HACD3: variants seen among roughly 807,000 people sequenced by gnomAD.
HACD3 encodes the protein 3-hydroxyacyl-CoA dehydratase 3, also known as very-long-chain (3R)-3-hydroxyacyl-CoA dehydratase 3.
In HACD3, 30 loss-of-function variants were observed where a neutral mutation model predicts 55.2. The observed-to-expected ratio is 0.54, with a 90% CI of 0.41 to 0.74. The LOEUF is 0.74. Ranked by LOEUF, HACD3 falls within the 30% of genes least tolerant of loss-of-function variation. HACD3 has a pLI of 0.00. For synonymous variants in HACD3, 141 were observed against 151.7 expected, an observed-to-expected ratio of 0.93 and a Z score of 0.52; for missense variants, 363 against 440.1, an observed-to-expected ratio of 0.82 and a Z score of 1.57.
At chr15:65,542,792 C>T (rs1156302851) in intron 1 of HACD3, among the ~76,000 whole-genome samples, 1 of 151,856 alleles carries the variant, frequency 6.6e-6, no homozygotes, top group East Asian at 1.9e-4. Flanking sequence ...TTAAAAAAAA[C>T]AGGCCGGGCT....
chr15:65,534,507 A>G (rs141366004), intron 1 of HACD3: 1 of 152,368 alleles, frequency 6.6e-6, no homozygotes, highest in Non-Finnish European at 1.5e-5. Context: ...GATGAACATA[A>G]TGAACGTGTT....
chr15:65,549,586 C>A (rs180997946), intron 1 of HACD3, among the ~76,000 whole-genome samples: 4 of 126,464 alleles, frequency 3.2e-5, no homozygotes, highest in Non-Finnish European at 6.3e-5. Flanking sequence ...GGTGACAAAG[C>A]GAGATTCCAT....
At chr15:65,557,310 C>A (rs894144242) in intron 4 of HACD3, among the ~76,000 whole-genome samples, 6 of 152,110 alleles carry the variant, frequency 3.9e-5, no homozygotes, top group African/African-American at 1.4e-4. Flanking sequence ...CCTGTCTCTA[C>A]TAAAAATACA....
chr15:65,535,855 C>A, intron 1 of HACD3: 1 of 586,872 alleles, frequency 1.7e-6, no homozygotes, highest in Non-Finnish European at 3.1e-6. Flanking sequence ...AGCTAATTTT[C>A]AATTTTTTAA....
chr15:65,570,840 T>A (rs2072340860), intron 8 of HACD3, among the ~76,000 whole-genome samples: 5 of 152,184 alleles, frequency 3.3e-5, no homozygotes, highest in Non-Finnish European at 7.3e-5. Context: ...ACAAAGTTGC[T>A]AGTTGAGAGA....
chr15:65,556,328 A>G (rs112886630), intron 3 of HACD3, among the ~76,000 whole-genome samples: 94 of 152,300 alleles, frequency 6.2e-4, no homozygotes, highest in African/African-American at 2.2e-3. Context: ...ATCATCAGGC[A>G]TTATAGTCTC....
chr15:65,548,795 G>T (rs988359591), intron 1 of HACD3, among the ~76,000 whole-genome samples: 1 of 152,012 alleles, frequency 6.6e-6, no homozygotes, highest in African/African-American at 2.4e-5. Flanking sequence ...TGAACTCCTG[G>T]GCTCAAGTGA....
chr15:65,562,951 A>C, intron 6 of HACD3, 67 bp downstream of exon 6: 1 of 1,582,716 alleles, frequency 6.3e-7, no homozygotes, highest in East Asian at 2.3e-5. Flanking sequence ...CACCAAAGGG[A>C]GCACTCTCTG....
intron 1 of HACD3, among the ~76,000 whole-genome samples, chr15:65,536,063 C>T (rs2071951857): frequency 6.6e-6 from 1 of 152,036 alleles, no homozygotes; most frequent in Non-Finnish European, 1.5e-5. Flanking sequence ...GTCACCCAGG[C>T]TGGAGTGCAG....
chr15:65,539,208 G>A (rs2071993947), intron 1 of HACD3, among the ~76,000 whole-genome samples: 1 of 124,132 alleles, frequency 8.1e-6, no homozygotes, highest in African/African-American at 3.0e-5. Flanking sequence ...TCAGTGACAG[G>A]ACTTTTTTTT....
At chr15:65,576,203 G>A in intron 10 of HACD3, 100 bp from the exon 11 acceptor site, 3 of 1,501,576 alleles carry the variant, frequency 2.0e-6, no homozygotes, top group Non-Finnish European at 2.7e-6. Flanking sequence ...GCTTTTTGCT[G>A]TGGAATATGA....
intron 5 of HACD3, among the ~76,000 whole-genome samples, chr15:65,559,007 A>G (rs1350824530): frequency 2.0e-5 from 3 of 152,222 alleles, no homozygotes; most frequent in African/African-American, 7.2e-5. Context: ...CTCATGGCAG[A>G]TGGCAACCAA....
intron 1 of HACD3, among the ~76,000 whole-genome samples, chr15:65,533,064 C>T (rs2071918182): frequency 6.6e-6 from 1 of 152,112 alleles, no homozygotes; most frequent in Non-Finnish European, 1.5e-5. Context: ...CAAACTAAGA[C>T]TGGGAGAATG....
intron 1 of HACD3, among the ~76,000 whole-genome samples, chr15:65,549,648 G>A (rs985680814): frequency 2.0e-5 from 3 of 150,190 alleles, no homozygotes; most frequent in African/African-American, 7.3e-5. Context: ...CACCAAAGGT[G>A]TAACATGTAA....
rs148904080 is a variant in HACD3 at position 65,568,828 on chromosome 15, G to A, written c.661-1263G>A. Among the ~76,000 whole-genome samples, 747 of 152,290 alleles carry A rather than the reference G, an allele frequency of 4.9e-3. 2 individuals are homozygous for A. Among genetic ancestry groups the A allele is most frequent in the Non-Finnish European group, 9.1e-3 (620 of 68,030 alleles). ...TGTATGGTACAAAGATAGTCACACA[G>A]ACCACGGGAACAGAATAAAACCCAG... On this transcript the variant is annotated intron_variant, in intron 7 of 10. Transcript: ENST00000261875.
At chr15:65,562,246 C>T (rs2072250899) in intron 5 of HACD3, among the ~76,000 whole-genome samples, 2 of 152,234 alleles carry the variant, frequency 1.3e-5, no homozygotes. Flanking sequence ...AGTGTTCCCT[C>T]CTCCAGAGTA....
At chr15:65,539,197 T>C (rs1165104614) in intron 1 of HACD3, among the ~76,000 whole-genome samples, 1 of 145,256 alleles carries the variant, frequency 6.9e-6, no homozygotes, top group African/African-American at 2.5e-5. Flanking sequence ...TCTGAGAATG[T>C]TCAGTGACAG....
Position 65,558,708 on chromosome 15 carries a change from T to G in HACD3, c.398T>G (p.Leu133Arg). ...KEEERLNKLR[L>R]ESEGSPETLT... Reference sequence around the variant, plus strand: ...GAAGAGCGCCTAAATAAACTCCGACTGGAAAGCGAAGGCTCTCCTGAAAGT... The same window carrying G: ...GAAGAGCGCCTAAATAAACTCCGACGGGAAAGCGAAGGCTCTCCTGAAAGT... Residue 133 changes from leucine (L) to arginine (R), a missense_variant, in exon 5 of 11, where the codon CTG becomes CGG. Physicochemically the swap from Leu to Arg is moderately radical, Grantham distance 102. Transcript: ENST00000261875. 1 of 1,602,052 alleles carries G rather than the reference T, an allele frequency of 6.2e-7. No individual in the cohort carries two copies. The highest frequency in any genetic ancestry group is 1.7e-4 in the Middle Eastern group (1 of 6,048).
intron 3 of HACD3, among the ~76,000 whole-genome samples, chr15:65,556,056 C>G (rs1271473708): frequency 2.0e-5 from 3 of 152,324 alleles, no homozygotes; most frequent in Non-Finnish European, 4.4e-5. Context: ...TACCAGTTCT[C>G]CATGCCAGCC....
Sources: allele counts gnomAD v4.1 joint callset (sites outside exome capture counted in the v4.1 genomes callset), GRCh38; gene constraint gnomAD v4.1.1; transcripts MANE v1.5; gene names NCBI Gene and HGNC (gene_info 2026-07-23, HGNC 2026-07-21).